Variants in TXNRD2 observed in about 807,000 individuals in gnomAD.
TXNRD2 encodes the protein thioredoxin reductase 2, mitochondrial.
In TXNRD2, 67 loss-of-function variants were observed where a neutral mutation model predicts 70.8. The observed-to-expected ratio is 0.95, with a 90% CI of 0.78 to 1.16. The LOEUF is 1.16. TXNRD2 is among the 50% of genes most tolerant of loss of function. The pLI, the probability that TXNRD2 is intolerant of heterozygous loss-of-function variation, is 0.00. For missense variants in TXNRD2, 644 were observed against 719.9 expected (o/e 0.89, Z 1.21); for synonymous variants, 301 against 295.8 (o/e 1.02, Z -0.18).
At chr22:19,890,905 A>G (rs1377978235) in intron 11 of TXNRD2, among the ~76,000 whole-genome samples, 3 of 152,084 alleles carry the variant, frequency 2.0e-5, no homozygotes, top group Non-Finnish European at 4.4e-5. Flanking sequence ...CCCTGGCAAC[A>G]GCTCCCCTCC....
rs1312207661 is a variant in TXNRD2, at chr22:19,911,296, AGC to A, written c.662+79_662+80del. ...ACCGGAAAGAAAGCCCCAGGAGCCC[AGC>A]ACCAGCACAGGCTCTAAGGGTCCAG... is the stretch of plus-strand genomic sequence containing the variant. On this transcript the variant is annotated intron_variant, in intron 8 of 17. Coordinates refer to ENST00000400521, the MANE Select transcript of TXNRD2 (RefSeq NM_006440.5). The A allele has an allele frequency of 6.1e-5, 71 of 1,167,004 alleles. No homozygotes were observed. The African/African-American group carries it at 1.0e-3, about 17-fold the overall frequency. The allele number at this position is 1,167,004 out of a possible 1,614,324, so 72.3% of individuals were successfully genotyped here.
At position 19,880,691 on chromosome 22, in the gene TXNRD2, C is replaced by T. The variant is rs745421312; in HGVS notation, c.1113G>A (p.Ala371=). 61 of 1,613,104 alleles carry T rather than the reference C, an allele frequency of 3.8e-5. No homozygotes were observed. The highest frequency in any genetic ancestry group is 1.6e-4 in the Middle Eastern group (1 of 6,084). Residue 371 remains alanine (A), a synonymous_variant, in exon 13 of 18, where the codon GCG becomes GCA. Transcript: ENST00000400521. ...VEGRPELTPI[A]IMAGRLLVQR... ...GCACCAGGAGCCTCCCGGCCATGATCGCTATGGGTGTCAGCTCAGGCCGCC... is the reference window on the plus strand; with the variant it reads ...GCACCAGGAGCCTCCCGGCCATGATTGCTATGGGTGTCAGCTCAGGCCGCC...
Position 19,895,522 on chromosome 22 carries a change from G to T in TXNRD2, c.834C>A (p.Gly278=), listed in dbSNP as rs371075332. ...MASHGTRFLR[G]CAPSRVRRLP... is the part of the protein sequence containing the mutation. ...GCCTCCTGACCCGCGAGGGGGCACA[G>T]CCCCTCAGGAACCGGGTGCCATGAG... The change falls in exon 11 of 18, where the codon GGC becomes GGA. Residue 278 remains glycine (G), a synonymous_variant. Coordinates refer to ENST00000400521, the MANE Select transcript of TXNRD2 (RefSeq NM_006440.5). 1 of 1,613,756 alleles carries T rather than the reference G, an allele frequency of 6.2e-7. No homozygotes were observed. The highest frequency in any genetic ancestry group is 8.5e-7 in the Non-Finnish European group (1 of 1,180,028).
chr22:19,899,350 A>G (rs1008375537), intron 8 of TXNRD2, among the ~76,000 whole-genome samples: 5 of 152,220 alleles, frequency 3.3e-5, no homozygotes, highest in African/African-American at 4.8e-5. Context: ...AGAAACATCC[A>G]CCAGAGCAGC....
Position 19,918,973 on chromosome 22 carries a change from G to A in TXNRD2, c.261C>T (p.Val87=), listed in dbSNP as rs1042612104. The change falls in exon 4 of 18, where the codon GTC becomes GTT. Residue 87 remains valine (V), a synonymous_variant. Coordinates refer to ENST00000400521, the MANE Select transcript of TXNRD2 (RefSeq NM_006440.5). ...GCTTCTTGGGGATGCAGCCCACGTT[G>A]ACGCAGGTGCCGCCGAGGCCCCACC... ...GTRWGLGGTC[V]NVGCIPKKLM... 6.2e-7 allele frequency: 1 copy of A among 1,612,114 alleles called. No homozygotes were observed. The highest frequency in any genetic ancestry group is 1.7e-4 in the Middle Eastern group (1 of 6,034).
At chr22:19,893,582 G>A (rs910482792) in intron 11 of TXNRD2, among the ~76,000 whole-genome samples, 4 of 152,200 alleles carry the variant, frequency 2.6e-5, no homozygotes, top group African/African-American at 9.7e-5. Flanking sequence ...CCGTCAGACA[G>A]CCCCGGCCCA....
chr22:19,879,271 C>A (rs1026849101), intron 14 of TXNRD2, among the ~76,000 whole-genome samples: 1 of 152,168 alleles, frequency 6.6e-6, no homozygotes, highest in Non-Finnish European at 1.5e-5. Flanking sequence ...GTCTCATCCC[C>A]AAAGGCCGCA....
chr22:19,879,469 C>G (rs1472375100), intron 14 of TXNRD2, among the ~76,000 whole-genome samples: 1 of 149,624 alleles, frequency 6.7e-6, no homozygotes, highest in East Asian at 2.0e-4. Flanking sequence ...CAGGCTTGCT[C>G]GATGAAAACC....
intron 1 of TXNRD2, among the ~76,000 whole-genome samples, chr22:19,934,392 A>AAC (rs1253212967): frequency 4.6e-5 from 7 of 150,994 alleles, no homozygotes; most frequent in Non-Finnish European, 1.0e-4. Context: ...GAAAAAAAAA[A>AAC]AAAAAAAAAC....
Position 19,941,805 on chromosome 22 carries a change from G to A in TXNRD2, c.-2C>T, listed in dbSNP as rs1465316102. 2.0e-6 allele frequency: 3 copies of A among 1,533,272 alleles called. No homozygotes were observed. The African/African-American group carries it at 4.3e-5, about 22-fold the overall frequency. The allele number at this position is 1,533,272 out of a possible 1,614,324, so 95.0% of individuals were successfully genotyped here. On this transcript the variant is annotated 5_prime_UTR_variant, in exon 1 of 18. It adds an upstream start codon to the 5' untranslated region. Transcript: ENST00000400521. ...CAGCGCCACCGCCATTGCCGCCATC[G>A]TCGTGGGGCTTCTGGGGCAGCTAGG...
Position 19,898,089 on chromosome 22 carries a change from G to A in TXNRD2, c.724C>T (p.Leu242=), listed in dbSNP as rs1939596501. ...ECAGFLTGIG[L]DTTIMMRSIP... ...CTGCGCATCATGATGGTGGTGTCCA[G>A]CCCAATCCCGGTGAGGAAGCCAGCA... is the stretch of plus-strand genomic sequence containing the variant. The change falls in exon 10 of 18, where the codon CTG becomes TTG. Residue 242 remains leucine, a synonymous_variant. Transcript: ENST00000400521. 3.2e-6 allele frequency: 5 copies of A among 1,567,480 alleles called. No individual in the cohort carries two copies. The highest frequency in any genetic ancestry group is 4.3e-6 in the Non-Finnish European group (5 of 1,156,560).
intron 12 of TXNRD2, chr22:19,881,337 G>C: frequency 2.8e-6 from 1 of 360,720 alleles, no homozygotes; most frequent in East Asian, 4.1e-5. Context: ...AGAGATCCGT[G>C]GAGATAAACT....
chr22:19,911,523 G>T, intron 7 of TXNRD2, 76 bp from the exon 8 acceptor site: 1 of 1,133,582 alleles, frequency 8.8e-7, no homozygotes, highest in Non-Finnish European at 1.3e-6. Flanking sequence ...GAGGATGCCA[G>T]CTTTGCAGAA....
At chr22:19,924,559 GC>G (rs757167405) in intron 2 of TXNRD2, among the ~76,000 whole-genome samples, 20 of 152,116 alleles carry the variant, frequency 1.3e-4, no homozygotes, top group Non-Finnish European at 2.2e-4. Context: ...TTCAAACAGT[GC>G]AGGAGCAACA....
At chr22:19,880,901 C>G in intron 12 of TXNRD2, 184 bp from the exon 13 acceptor site, 1 of 602,230 alleles carries the variant, frequency 1.7e-6, no homozygotes, top group South Asian at 2.0e-5. Context: ...TCCCAAGGAC[C>G]TAGGTAGGTT....
chr22:19,918,832 C>G, intron 4 of TXNRD2, 28 bp downstream of exon 4: 2 of 1,602,690 alleles, frequency 1.2e-6, no homozygotes, highest in Non-Finnish European at 1.7e-6. Flanking sequence ...AAGAAAAGCA[C>G]TGGAATGCCA....
intron 2 of TXNRD2, among the ~76,000 whole-genome samples, chr22:19,929,005 C>CAAA (rs376971304): frequency 0.091 from 11,176 of 122,458 alleles, 847 homozygotes; most frequent in East Asian, 0.33. Context: ...GACTCGCTTG[C>CAAA]AAAAAAAAAA....
At chr22:19,917,625 G>A (rs1940696170) in intron 5 of TXNRD2, among the ~76,000 whole-genome samples, 1 of 152,166 alleles carries the variant, frequency 6.6e-6, no homozygotes, top group Admixed American at 6.5e-5. Flanking sequence ...TAGGCCAGGG[G>A]AGCATAGGCC....
intron 2 of TXNRD2, among the ~76,000 whole-genome samples, chr22:19,925,578 C>T (rs1414026944): frequency 4.0e-5 from 6 of 151,860 alleles, no homozygotes; most frequent in East Asian, 1.9e-4. Context: ...ACAGTAAACA[C>T]ATGATATAAT....
Sources: allele counts gnomAD v4.1 joint callset (sites outside exome capture counted in the v4.1 genomes callset), GRCh38; gene constraint gnomAD v4.1.1; transcripts MANE v1.5; gene names NCBI Gene and HGNC (gene_info 2026-07-23, HGNC 2026-07-21).